Variants in CCDC9 observed in about 807,000 individuals in gnomAD.
The protein encoded by CCDC9 is coiled-coil domain containing 9.
Under a neutral mutation model 65.6 loss-of-function variants are expected in CCDC9, and 52 were observed. The ratio of observed to expected loss-of-function variants is 0.79; its 90% CI spans 0.63 to 1.00. The LOEUF is 1.00. Among genes scored for constraint, CCDC9 ranks in the 50% least tolerant of loss-of-function variants. The pLI, the probability that CCDC9 is intolerant of heterozygous loss-of-function variation, is 0.00. For synonymous variants in CCDC9, 332 were observed against 280.3 expected, an observed-to-expected ratio of 1.18 and a Z score of -1.84; for missense variants, 834 against 757.2, an observed-to-expected ratio of 1.10 and a Z score of -1.19.
chr19:47,259,514 T>C (rs745476861), intron 3 of CCDC9, among the ~76,000 whole-genome samples: 1 of 151,996 alleles, frequency 6.6e-6, no homozygotes, highest in Non-Finnish European at 1.5e-5. Flanking sequence ...ACTCAGTTAC[T>C]GATGGGCAGT....
At chr19:47,275,441 T>G, downstream of CCDC9, 1 of 1,424,446 alleles carries the variant, frequency 7.0e-7, no homozygotes, top group Non-Finnish European at 9.3e-7. Context: ...CCGGCCTTCT[T>G]CCTAATGACA....
At chr19:47,272,821 G>A (rs2059131883), downstream of CCDC9, among the ~76,000 whole-genome samples, 1 of 152,168 alleles carries the variant, frequency 6.6e-6, no homozygotes, top group South Asian at 2.1e-4. Context: ...TGGGACCGAC[G>A]AAGTGCGAGC....
chr19:47,265,455 A>G (rs1041957560), intron 7 of CCDC9, among the ~76,000 whole-genome samples: 3 of 152,016 alleles, frequency 2.0e-5, no homozygotes, highest in African/African-American at 7.2e-5. Context: ...CACCTACCAC[A>G]TGGCAGGTGC....
At chr19:47,274,660 G>A, downstream of CCDC9, 1 of 250,322 alleles carries the variant, frequency 4.0e-6, no homozygotes, top group Middle Eastern at 1.2e-3. Context: ...CGGTGATTGG[G>A]GTGGTGGGGC....
downstream of CCDC9, chr19:47,274,875 C>A: frequency 1.9e-6 from 2 of 1,026,876 alleles, no homozygotes; most frequent in South Asian, 4.4e-5. Context: ...CTGGTGGGGG[C>A]GGGGCCTGTG....
downstream of CCDC9, chr19:47,273,488 G>A (rs1304683864): frequency 1.4e-5 from 10 of 737,774 alleles, no homozygotes; most frequent in East Asian, 3.1e-4. Flanking sequence ...CGGCCTCCGC[G>A]CTCTGCACTA....
chr19:47,258,150 T>C, intron 1 of CCDC9, 180 bp from the exon 2 acceptor site: 1 of 580,238 alleles, frequency 1.7e-6, no homozygotes, highest in Non-Finnish European at 3.1e-6. Context: ...ATGAAAGGGC[T>C]GAGTCTGAAT....
At position 47,271,689 on chromosome 19, in the gene CCDC9, CTGTGTGTGTGTGTGTGTGTG is replaced by C. The variant is rs746173971; in HGVS notation, c.*36_*55del. On this transcript the variant is annotated 3_prime_UTR_variant, in exon 12 of 12. Coordinates refer to ENST00000221922, the MANE Select transcript of CCDC9 (RefSeq NM_015603.3). ...TTTGAGAGTGTATGAAGCTGGCTGC[CTGTGTGTGTGTGTGTGTGTG>C]TGTGTGTGTGTGTGTGTGTGTGTGC... 1,452 of 1,127,598 alleles carry C rather than the reference CTGTGTGTGTGTGTGTGTGTG, an allele frequency of 1.3e-3. 2 individuals carry two copies. The highest frequency in any genetic ancestry group is 1.6e-3 in the Non-Finnish European group (1,251 of 804,360). 69.8% of individuals were successfully genotyped at this position (1,127,598 alleles called of 1,614,324 possible).
At chr19:47,275,661 G>A (rs1448224957), downstream of CCDC9, 4 of 421,966 alleles carry the variant, frequency 9.5e-6, no homozygotes, top group East Asian at 4.3e-5. Flanking sequence ...CCCTGAATCC[G>A]TGTCCATCTG....
chr19:47,274,951 C>CCGAGAGCCCCGGAGGCGCGGGGCTGAG, downstream of CCDC9: 5 of 1,368,262 alleles, frequency 3.7e-6, no homozygotes, highest in African/African-American at 6.2e-5. Context: ...GGCGGCGGCG[C>CCGAGAGCCCCGGAGGCGCGGGGCTGAG]CGAGAGCCCC....
chr19:47,268,345 A>G (rs2123473292), intron 8 of CCDC9, among the ~76,000 whole-genome samples: 1 of 152,170 alleles, frequency 6.6e-6, no homozygotes, highest in South Asian at 2.1e-4. Flanking sequence ...CTCATCCCCC[A>G]TTCTTTCCTG....
At chr19:47,264,344 C>G (rs1440443057) in intron 5 of CCDC9, among the ~76,000 whole-genome samples, 1 of 152,222 alleles carries the variant, frequency 6.6e-6, no homozygotes, top group East Asian at 1.9e-4. Context: ...CAGGCCCCTT[C>G]TGTCTAGTAT....
At chr19:47,259,589 C>G (rs1469275098) in intron 3 of CCDC9, among the ~76,000 whole-genome samples, 2 of 152,074 alleles carry the variant, frequency 1.3e-5, no homozygotes, top group African/African-American at 4.8e-5. Context: ...TGTGGCTCTC[C>G]CTGAGATGGG....
downstream of CCDC9, chr19:47,275,453 C>T (rs916953453): frequency 5.0e-6 from 7 of 1,387,674 alleles, no homozygotes; most frequent in Admixed American, 1.5e-4. Context: ...CTAATGACAT[C>T]GCTCAGCGTC....
chr19:47,260,499 C>G (rs2059037744), intron 4 of CCDC9, 77 bp downstream of exon 4: 1 of 1,602,804 alleles, frequency 6.2e-7, no homozygotes, highest in Admixed American at 1.7e-5. Flanking sequence ...CAGGAGCCCC[C>G]AGCTGTCCTG....
Position 47,260,842 on chromosome 19 carries a change from A to G in CCDC9, c.462+3A>G, listed in dbSNP as rs1433137443. ...CAATCTCTGACCGTAAATCCAAGGT[A>G]GGAGCTAGGCAGCGCCTGGAGCCCT... On this transcript the variant is annotated splice_donor_region_variant and intron_variant, in intron 5 of 11. Coordinates refer to ENST00000221922, the MANE Select transcript of CCDC9 (RefSeq NM_015603.3). 2 of 1,610,900 alleles carry G rather than the reference A, an allele frequency of 1.2e-6. No homozygotes were observed. The highest frequency in any genetic ancestry group is 8.5e-7 in the Non-Finnish European group (1 of 1,178,814).
chr19:47,266,682 CCT>C lies in CCDC9; in HGVS notation c.793_794del (p.Leu265AlafsTer46). Reference sequence around the variant, plus strand: ...TGACGGGCCGGGAGCGGTCGGAGTACCTGCGCTGGAAGCAGGAGAGGGAGAAG... The same window carrying C: ...TGACGGGCCGGGAGCGGTCGGAGTACGCGCTGGAAGCAGGAGAGGGAGAAG... ...SMTGRERSEY[L>X]RWKQEREKID... is the part of the protein sequence containing the mutation. On this transcript the variant is annotated frameshift_variant, in exon 8 of 12. Transcript: ENST00000221922. LOFTEE classifies it high-confidence loss of function. 1 of 1,608,204 alleles carries C rather than the reference CCT, an allele frequency of 6.2e-7. No homozygotes were observed. The highest frequency in any genetic ancestry group is 8.5e-7 in the Non-Finnish European group (1 of 1,177,344).
At position 47,258,629 on chromosome 19, in the gene CCDC9, G is replaced by C. The variant is rs201292340; in HGVS notation, c.74G>C (p.Arg25Pro). The C allele has an allele frequency of 3.7e-6, 6 of 1,614,092 alleles. No individual in the cohort carries two copies. Residue 25 changes from arginine to proline, a missense_variant, in exon 3 of 12, where the codon CGG becomes CCG. Arg to Pro is a moderately radical substitution (Grantham distance 103). Transcript: ENST00000221922. ...AELDKRIEAL[R>P]RKNEALIRRY... Reference sequence around the variant, plus strand: ...TTGGACAAGAGGATCGAGGCTCTTCGGCGGAAGAATGAGGCCCTCATCCGG... The same window carrying C: ...TTGGACAAGAGGATCGAGGCTCTTCCGCGGAAGAATGAGGCCCTCATCCGG...
At chr19:47,275,455 C>A, downstream of CCDC9, 2 of 1,385,300 alleles carry the variant, frequency 1.4e-6, no homozygotes, top group South Asian at 3.0e-5. Context: ...AATGACATCG[C>A]TCAGCGTCTC....
Sources: gnomAD v4.1 joint callset for allele counts (sites outside exome capture counted in the v4.1 genomes callset) on GRCh38, gnomAD v4.1.1 for gene constraint, MANE v1.5 for transcripts, NCBI Gene and HGNC (gene_info 2026-07-23, HGNC 2026-07-21) for gene names.